The following ATP13A2 variants were observed in gnomAD, a reference collection of about 807,000 sequenced individuals.
The protein encoded by ATP13A2 is ATPase cation transporting 13A2.
ATP13A2 carries 83 observed loss-of-function variants against 138.3 expected under a neutral mutation model. The observed-to-expected ratio is 0.60, with a 90% CI of 0.50 to 0.72. The LOEUF (loss-of-function observed/expected upper bound fraction) is 0.72, where lower values mean the gene tolerates loss of function less well. Ranked by LOEUF, ATP13A2 falls within the 30% of genes least tolerant of loss-of-function variation. The probability of loss-of-function intolerance (pLI) is 0.00; values close to 1 mark genes in which losing one functional copy is unlikely to be tolerated. For synonymous variants in ATP13A2, 663 were observed against 699.0 expected, an observed-to-expected ratio of 0.95 and a Z score of 0.81; for missense variants, 1,402 against 1,606.4, an observed-to-expected ratio of 0.87 and a Z score of 2.17.
intron 15 of ATP13A2, among the ~76,000 whole-genome samples, chr1:16,994,637 T>G (rs1310689555): frequency 6.6e-6 from 1 of 151,992 alleles, no homozygotes; most frequent in East Asian, 2.0e-4. Flanking sequence ...CTGGGAACTA[T>G]AAGAATCTGG....
chr1:17,004,646 A>G lies in ATP13A2; in HGVS notation c.477+46T>C. 3 of 1,613,832 alleles carry G rather than the reference A, an allele frequency of 1.9e-6. No homozygotes were observed. Among genetic ancestry groups the G allele is most frequent in the Middle Eastern group, 3.3e-4 (2 of 6,062 alleles). On this transcript the variant is annotated intron_variant, in intron 5 of 28. Transcript: ENST00000326735. This position sits in a 1 kb window ranked among gnomAD's most constrained non-coding sequence, Gnocchi z 4.1. The stretch of plus-strand genomic sequence containing the variant: ...GTCTGACTCTCCCATTGCACAGATC[A>G]TGAAACCGAGGCCGAGAGAGGGGCA...
chr1:16,988,611 C>A (rs1360417993), intron 23 of ATP13A2, 137 bp from the exon 24 acceptor site: 2 of 808,996 alleles, frequency 2.5e-6, no homozygotes, highest in African/African-American at 1.7e-5. Flanking sequence ...TGAATAGATG[C>A]AATTATTATT....
rs750921184 is a variant in ATP13A2 at position 16,992,557 on chromosome 1, C to T, written c.1774G>A (p.Asp592Asn). The part of the protein sequence containing the change: ...GWVLEEEPAA[D>N]SAFGTQVLAV... ...AAGACCTGGGTCCCAAATGCTGAGT[C>T]TGCAGCCGGCTCTTCCTCCAGGACC... Residue 592 changes from aspartate to asparagine, a missense_variant, in exon 17 of 29, where the codon GAC (aspartate) becomes AAC (asparagine). Coordinates refer to ENST00000326735, the MANE Select transcript of ATP13A2 (RefSeq NM_022089.4). The T allele has an allele frequency of 8.7e-6, 14 of 1,614,110 alleles. No homozygotes were observed. Among genetic ancestry groups the T allele is most frequent in the Non-Finnish European group, 3.4e-6 (4 of 1,180,040 alleles).
At position 17,011,897 on chromosome 1, in the gene ATP13A2, T is replaced by TGGGCCACCA. The variant is rs2077815741; in HGVS notation, c.-168_-160dup. The TGGGCCACCA allele has an allele frequency of 1.7e-6, 1 of 603,182 alleles. No individual in the cohort carries two copies. Among genetic ancestry groups the TGGGCCACCA allele is most frequent in the Admixed American group, 6.0e-5 (1 of 16,540 alleles). The allele number at this position is 603,182 out of a possible 1,614,324, so 37.4% of individuals were successfully genotyped here. A position where few individuals can be genotyped will look rare whatever the true frequency, so the allele number is the denominator to read the frequency against. On this transcript the variant is annotated 5_prime_UTR_variant, in exon 1 of 29. Transcript: ENST00000326735. The surrounding 1 kb of genome is among the most constrained non-coding windows in gnomAD (Gnocchi z 7.3). ...GCAGGGCTGACGCGGGCGGGGCACC[T>TGGGCCACCA]GGGCCACCAGGCTCGGCGCGGCTCC...
rs1294862302 is a variant in ATP13A2 at position 16,987,041 on chromosome 1, C to T, written c.3083+5G>A. The T allele has an allele frequency of 1.9e-6, 3 of 1,613,468 alleles. No individual in the cohort carries two copies. The highest frequency in any genetic ancestry group is 3.3e-5 in the Admixed American group (2 of 60,012). ...ATGGGGGTGGTCAGTCAGCTCCCTA[C>T]TCACCATGGCTGGGCCAGGGTCAGG... On this transcript the variant is annotated splice_donor_5th_base_variant and intron_variant, in intron 26 of 28. Coordinates refer to ENST00000326735, the MANE Select transcript of ATP13A2 (RefSeq NM_022089.4).
intron 25 of ATP13A2, 44 bp from the exon 26 acceptor site, chr1:16,987,313 C>T (rs747642478): frequency 1.9e-6 from 3 of 1,579,222 alleles, no homozygotes; most frequent in South Asian, 1.1e-5. Context: ...AAGACCTGGC[C>T]CTGGCAGCCC....
intron 20 of ATP13A2, among the ~76,000 whole-genome samples, chr1:16,990,562 G>A (rs2076895014): frequency 6.6e-6 from 1 of 152,182 alleles, no homozygotes; most frequent in Non-Finnish European, 1.5e-5. Flanking sequence ...CTGTGGCCCA[G>A]GCTGGAGTGC....
intron 3 of ATP13A2, 87 bp downstream of exon 3, chr1:17,005,287 G>A (rs947127709): frequency 6.5e-6 from 10 of 1,535,108 alleles, no homozygotes; most frequent in Non-Finnish European, 8.8e-6. Context: ...TGGAAAGTCA[G>A]TGGCCGGGTT....
intron 26 of ATP13A2, 30 bp downstream of exon 26, chr1:16,987,016 A>G (rs747103119): frequency 6.4e-7 from 1 of 1,574,770 alleles, no homozygotes; most frequent in East Asian, 2.2e-5. Flanking sequence ...AAGGGGCGGG[A>G]TGGGGGTGGT....
chr1:17,000,264 C>G lies in ATP13A2; in HGVS notation c.889G>C (p.Val297Leu). 6.4e-7 allele frequency: 1 copy of G among 1,573,810 alleles called. No homozygotes were observed. Among genetic ancestry groups the G allele is most frequent in the Non-Finnish European group, 8.6e-7 (1 of 1,159,514 alleles). The change falls in exon 10 of 29, where the codon GTG (valine) becomes CTG (leucine). Residue 297 changes from valine (V) to leucine (L), a missense_variant. Val to Leu is a conservative substitution (Grantham distance 32). Transcript: ENST00000326735. ...DMVKLSMRVCVCRPGGEEEWV... is the reference protein window; with the variant it reads ...DMVKLSMRVCLCRPGGEEEWV... ...TCCTCACCTCCCCCTGGCCGGCACACGCACACCCGCATGGACAACTTGACC... is the reference window on the plus strand; with the variant it reads ...TCCTCACCTCCCCCTGGCCGGCACAGGCACACCCGCATGGACAACTTGACC...
chr1:16,986,044 A>C lies in ATP13A2; in HGVS notation c.*177T>G. The C allele has an allele frequency of 1.3e-6, 2 of 1,489,490 alleles. No individual in the cohort carries two copies. Among genetic ancestry groups the C allele is most frequent in the Non-Finnish European group, 8.9e-7 (1 of 1,117,530 alleles). The allele number at this position is 1,489,490 out of a possible 1,614,324, so 92.3% of individuals were successfully genotyped here. On this transcript the variant is annotated 3_prime_UTR_variant, in exon 29 of 29. Coordinates refer to ENST00000326735, the MANE Select transcript of ATP13A2 (RefSeq NM_022089.4). The surrounding 1 kb of genome is among the most constrained non-coding windows in gnomAD (Gnocchi z 6.9). ...CTGCCACCCCTACGCGGGATGGTCC[A>C]AGGTAGGGGACAGTAGTCAACGCTT...
rs1467098168 is a variant in ATP13A2, at chr1:17,000,262, C to T, written c.891G>A (p.Val297=). Residue 297 remains valine, a synonymous_variant, in exon 10 of 29, where the codon GTG becomes GTA. Transcript: ENST00000326735. ...DMVKLSMRVC[V]CRPGGEEEWV... ...GCTCCTCACCTCCCCCTGGCCGGCA[C>T]ACGCACACCCGCATGGACAACTTGA... is the stretch of plus-strand genomic sequence containing the variant. 6.4e-7 allele frequency: 1 copy of T among 1,573,154 alleles called. No homozygotes were observed. The highest frequency in any genetic ancestry group is 2.3e-5 in the East Asian group (1 of 42,716).
chr1:16,992,601 GT>G lies in ATP13A2; in HGVS notation c.1750-21del. 6.2e-7 allele frequency: 1 copy of G among 1,613,810 alleles called. No individual in the cohort carries two copies. The highest frequency in any genetic ancestry group is 8.5e-7 in the Non-Finnish European group (1 of 1,179,636). ...CAGGACCTGGCAGGCAGGCAGGGAAGTTTGGTGTCTGGGGGCTTTGGCTCAC... is the reference window on the plus strand; with the variant it reads ...CAGGACCTGGCAGGCAGGCAGGGAAGTTGGTGTCTGGGGGCTTTGGCTCAC... On this transcript the variant is annotated intron_variant, in intron 16 of 28. Transcript: ENST00000326735.
chr1:16,993,821 A>T lies in ATP13A2; in HGVS notation c.1557T>A (p.Thr519=). 1 of 1,564,420 alleles carries T rather than the reference A, an allele frequency of 6.4e-7. No homozygotes were observed. The highest frequency in any genetic ancestry group is 1.2e-5 in the South Asian group (1 of 84,856). Residue 519 remains threonine, a synonymous_variant, in exon 16 of 29, where the codon ACT becomes ACA. Coordinates refer to ENST00000326735, the MANE Select transcript of ATP13A2 (RefSeq NM_022089.4). ...LVCFDKTGTL[T]EDGLDVMGVV... ...CCCCCATCACGTCTAAGCCGTCCTC[A>T]GTGAGGGTGCCCGTCTGTGGGAGAC...
chr1:17,000,217 C>A lies in ATP13A2; in HGVS notation c.907+29G>T, dbSNP rs140087527. 1.6e-3 allele frequency: 2,464 copies of A among 1,546,510 alleles called. 43 individuals carry two copies. In the African/African-American group the frequency reaches 0.031, roughly 19 times the overall value. ...ATGCCCCCCCACCCTCCCACTCCTGCCCCCGCCCCCTGGGCCCTAGCTCCT... is the reference window on the plus strand; with the variant it reads ...ATGCCCCCCCACCCTCCCACTCCTGACCCCGCCCCCTGGGCCCTAGCTCCT... On this transcript the variant is annotated intron_variant, in intron 10 of 28. Coordinates refer to ENST00000326735, the MANE Select transcript of ATP13A2 (RefSeq NM_022089.4).
rs765905631 is a variant in ATP13A2, at chr1:16,989,675, T to A, written c.2609+16A>T. 2 of 1,613,842 alleles carry A rather than the reference T, an allele frequency of 1.2e-6. No individual in the cohort carries two copies. Among genetic ancestry groups the A allele is most frequent in the Non-Finnish European group, 1.7e-6 (2 of 1,179,830 alleles). The stretch of plus-strand genomic sequence containing the variant: ...TCTCCGCAGGCCCTTGCCCACACCC[T>A]CTGCCGAGCACTCACTGAAGCTTCT... On this transcript the variant is annotated intron_variant, in intron 23 of 28. Coordinates refer to ENST00000326735, the MANE Select transcript of ATP13A2 (RefSeq NM_022089.4).
In ATP13A2 at chr1:17,006,817, G is replaced by A. The variant is rs182819249; in HGVS notation, c.11-1039C>T. 3.6e-3 allele frequency among the ~76,000 whole-genome samples: 551 copies of A among 152,270 alleles called. 9 individuals carry two copies. The highest frequency in any genetic ancestry group is 1.7e-3 in the Non-Finnish European group (115 of 68,024). On this transcript the variant is annotated intron_variant, in intron 1 of 28. Transcript: ENST00000326735. Reference sequence around the variant, plus strand: ...CAAAGTCAAGTCTGGACTAATAAACGGTCAGCCCTGCAGGCCTATCTTTAC... The same window carrying A: ...CAAAGTCAAGTCTGGACTAATAAACAGTCAGCCCTGCAGGCCTATCTTTAC...
chr1:17,001,124 C>T (rs1013793163), intron 8 of ATP13A2, among the ~76,000 whole-genome samples: 1 of 152,002 alleles, frequency 6.6e-6, no homozygotes, highest in Admixed American at 6.6e-5. Flanking sequence ...TGGCCTAAAA[C>T]CACATAGTTC....
At position 17,011,837 on chromosome 1, in the gene ATP13A2, C is replaced by G. The variant is rs569658051; in HGVS notation, c.-99G>C. The G allele has an allele frequency of 1.4e-5, 15 of 1,061,294 alleles. No homozygotes were observed. The East Asian group carries it at 9.3e-4, about 66-fold the overall frequency. The allele number at this position is 1,061,294 out of a possible 1,614,324, so 65.7% of individuals were successfully genotyped here. ...GGGCGGGGGCGCGGTCCGGACGGCC[C>G]GGGGCGAGGGGCGCTGGGCTAGCGC... On this transcript the variant is annotated 5_prime_UTR_variant, in exon 1 of 29. Transcript: ENST00000326735. This position sits in a 1 kb window ranked among gnomAD's most constrained non-coding sequence, Gnocchi z 7.3.
Sources: allele counts gnomAD v4.1 joint callset (sites outside exome capture counted in the v4.1 genomes callset), GRCh38; gene constraint gnomAD v4.1.1; non-coding constraint Gnocchi (gnomAD v3.1); transcripts MANE v1.5; gene names NCBI Gene and HGNC (gene_info 2026-07-23, HGNC 2026-07-21).